Variants in RGS12 observed in about 807,000 individuals in gnomAD.
RGS12 encodes the protein regulator of G protein signaling 12.
A neutral mutation model predicts 120.1 loss-of-function variants in RGS12; 66 were observed. The observed-to-expected ratio is 0.55, with a 90% confidence interval of 0.45 to 0.67. The LOEUF is 0.67. Among genes scored for constraint, RGS12 ranks in the 30% least tolerant of loss-of-function variants. The pLI is 0.00. For synonymous variants in RGS12, 827 were observed against 804.7 expected, an observed-to-expected ratio of 1.03 and a Z score of -0.47; for missense variants, 1,859 against 1,957.7, an observed-to-expected ratio of 0.95 and a Z score of 0.95.
At chr4:3,333,445 T>C (rs568362700) in intron 2 of RGS12, among the ~76,000 whole-genome samples, 1 of 152,384 alleles carries the variant, frequency 6.6e-6, no homozygotes, top group East Asian at 1.9e-4. Context: ...GTCTGTGTCT[T>C]ATTTAATACA....
intron 1 of RGS12, among the ~76,000 whole-genome samples, chr4:3,311,204 C>T (rs556474164): frequency 6.6e-6 from 1 of 152,212 alleles, no homozygotes; most frequent in African/African-American, 2.4e-5. Flanking sequence ...TCGCCTCACA[C>T]TGTGTGCACG....
chr4:3,306,009 C>CTGG (rs1723951028), intron 1 of RGS12, among the ~76,000 whole-genome samples: 1 of 152,228 alleles, frequency 6.6e-6, no homozygotes, highest in African/African-American at 2.4e-5. Flanking sequence ...GGGAGTCTCA[C>CTGG]TGGTGTCCAT....
intron 2 of RGS12, among the ~76,000 whole-genome samples, chr4:3,331,186 G>T (rs534596838): frequency 6.6e-6 from 1 of 152,114 alleles, no homozygotes; most frequent in Non-Finnish European, 1.5e-5. Flanking sequence ...CTGTTTTGGT[G>T]TAAAAAATTC....
rs763038028 is a variant in RGS12 at position 3,416,895 on chromosome 4, C to T, written c.2428-18C>T. ...TGGGTCCCTCCTGTGACTGTCCCAC[C>T]TTACATCTTCTCCCCAGATCTTCAA... On this transcript the variant is annotated intron_variant, in intron 7 of 17. Coordinates refer to ENST00000336727, the MANE Select transcript of RGS12 (RefSeq NM_001394154.1). The T allele has an allele frequency of 1.9e-6, 3 of 1,581,916 alleles. No homozygotes were observed. Among genetic ancestry groups the T allele is most frequent in the Non-Finnish European group, 8.6e-7 (1 of 1,156,742 alleles).
At chr4:3,314,244 A>G (rs1724591235) in intron 1 of RGS12, 1 of 152,082 alleles carries the variant, frequency 6.6e-6, no homozygotes, top group Non-Finnish European at 1.5e-5. Context: ...CCACTTTTGG[A>G]GTCACCTAGT....
chr4:3,367,682 T>C (rs1442664122), intron 3 of RGS12, among the ~76,000 whole-genome samples: 1 of 152,226 alleles, frequency 6.6e-6, no homozygotes, highest in African/African-American at 2.4e-5. Context: ...ACAGGAGTTC[T>C]CCCAGGCGTG....
intron 3 of RGS12, among the ~76,000 whole-genome samples, chr4:3,343,952 A>AT (rs1203793626): frequency 6.6e-6 from 1 of 152,230 alleles, no homozygotes; most frequent in Non-Finnish European, 1.5e-5. Context: ...GCATTCTGCT[A>AT]TGAGTATATG....
intron 4 of RGS12, among the ~76,000 whole-genome samples, chr4:3,404,057 C>T (rs1313109028): frequency 6.6e-6 from 1 of 152,176 alleles, no homozygotes; most frequent in East Asian, 1.9e-4. Flanking sequence ...TTAAACCTGG[C>T]CTTCCAGGTT....
At chr4:3,326,870 A>T (rs1725582511) in intron 2 of RGS12, among the ~76,000 whole-genome samples, 1 of 152,390 alleles carries the variant, frequency 6.6e-6, no homozygotes, top group East Asian at 1.9e-4. Context: ...TAATATCATT[A>T]AAGTGACCAT....
At chr4:3,319,250 ACTGCACTCTAGC>A (rs1406662923) in intron 2 of RGS12, among the ~76,000 whole-genome samples, 1 of 152,184 alleles carries the variant, frequency 6.6e-6, no homozygotes, top group African/African-American at 2.4e-5. Flanking sequence ...TGTTGCAGCC[ACTGCACTCTAGC>A]CTGGGTGACA....
chr4:3,300,661 C>G (rs558228824), intron 1 of RGS12, among the ~76,000 whole-genome samples: 9 of 152,190 alleles, frequency 5.9e-5, no homozygotes, highest in Non-Finnish European at 8.8e-5. Context: ...CCTGCCTCTC[C>G]CAGCTTCCAG....
At chr4:3,420,269 A>C in intron 9 of RGS12, 7 of 278,988 alleles carry the variant, frequency 2.5e-5, no homozygotes, top group East Asian at 1.2e-4. Context: ...TCCAGATGGA[A>C]TGGAGGAAAG....
Position 3,366,769 on chromosome 4 carries a change from C to G in RGS12, c.1999-19647C>G, listed in dbSNP as rs1442912767. 6.6e-6 allele frequency among the ~76,000 whole-genome samples: 1 copy of G among 152,204 alleles called. No homozygotes were observed. Among genetic ancestry groups the G allele is most frequent in the Non-Finnish European group, 1.5e-5 (1 of 68,020 alleles). ...AGACTGGTGTGGGTGGGCGCAGGAA[C>G]TGGTGAGAGAGGCCTGGGAGACAGG... is the stretch of plus-strand genomic sequence containing the variant. On this transcript the variant is annotated intron_variant, in intron 3 of 17. Coordinates refer to ENST00000336727, the MANE Select transcript of RGS12 (RefSeq NM_001394154.1). The surrounding 1 kb of genome is among the most constrained non-coding windows in gnomAD (Gnocchi z 4.0).
Position 3,389,346 on chromosome 4 carries a change from G to A in RGS12, c.2020+2909G>A, listed in dbSNP as rs1183964161. Among the ~76,000 whole-genome samples the A allele has an allele frequency of 6.6e-6, 1 of 152,162 alleles. No homozygotes were observed. The highest frequency in any genetic ancestry group is 2.4e-5 in the African/African-American group (1 of 41,436). On this transcript the variant is annotated intron_variant, in intron 4 of 17. Coordinates refer to ENST00000336727, the MANE Select transcript of RGS12 (RefSeq NM_001394154.1). This position sits in a 1 kb window ranked among gnomAD's most constrained non-coding sequence, Gnocchi z 5.2. ...GGAGCAGATTCCAGCTGGAGAGAAG[G>A]AAGCACATTCTAGCATTATAGAGAG...
At chr4:3,437,244 T>C (rs948194172) in intron 17 of RGS12, among the ~76,000 whole-genome samples, 1 of 152,108 alleles carries the variant, frequency 6.6e-6, no homozygotes, top group Non-Finnish European at 1.5e-5. Context: ...CTCCTTGTGA[T>C]GTGGACATCC....
intron 9 of RGS12, 110 bp from the exon 10 acceptor site, chr4:3,420,532 G>GC (rs1350974655): frequency 2.0e-6 from 2 of 990,130 alleles, no homozygotes; most frequent in African/African-American, 3.3e-5. Flanking sequence ...ATGGGTGGGG[G>GC]GGGCTTCCTG....
At chr4:3,405,614 G>T (rs531360903) in intron 4 of RGS12, among the ~76,000 whole-genome samples, 2 of 152,338 alleles carry the variant, frequency 1.3e-5, no homozygotes, top group South Asian at 4.1e-4. Context: ...TCCTGATTTT[G>T]ATGTCGGTAC....
chr4:3,431,933 C>G, intron 17 of RGS12: 3 of 985,460 alleles, frequency 3.0e-6, no homozygotes, highest in Non-Finnish European at 3.6e-6. Flanking sequence ...GTCTGTAGAT[C>G]TGTACATATC....
At chr4:3,379,714 G>A (rs1292035136) in intron 3 of RGS12, among the ~76,000 whole-genome samples, 1 of 152,092 alleles carries the variant, frequency 6.6e-6, no homozygotes, top group Non-Finnish European at 1.5e-5. Flanking sequence ...AAGGGGGAAA[G>A]CCCCTTATAA....
Sources: allele counts gnomAD v4.1 joint callset (sites outside exome capture counted in the v4.1 genomes callset), GRCh38; gene constraint gnomAD v4.1.1; non-coding constraint Gnocchi (gnomAD v3.1); transcripts MANE v1.5; gene names NCBI Gene and HGNC (gene_info 2026-07-23, HGNC 2026-07-21).